Variants in MPG observed in about 807,000 individuals in gnomAD.
The protein encoded by MPG is N-methylpurine DNA glycosylase, also known as DNA-3-methyladenine glycosylase.
MPG carries 33 observed loss-of-function variants against 31.7 expected under a neutral mutation model. The observed-to-expected ratio is 1.04, with a 90% CI of 0.79 to 1.39. The LOEUF (loss-of-function observed/expected upper bound fraction) is 1.39, where lower values mean the gene tolerates loss of function less well. MPG is among the 40% of genes most tolerant of loss of function. MPG has a pLI of 0.00. For missense variants in MPG, 455 were observed against 415.5 expected (o/e 1.10, Z -0.83); for synonymous variants, 202 against 169.2 (o/e 1.19, Z -1.51).
At chr16:81,347 G>T (rs1222019085) in intron 2 of MPG, among the ~76,000 whole-genome samples, 1 of 152,168 alleles carries the variant, frequency 6.6e-6, no homozygotes, top group East Asian at 1.9e-4. Flanking sequence ...AAAGGGCTGT[G>T]GGAACCTCCT....
chr16:85,740 TG>T lies in MPG; in HGVS notation c.847del (p.Val283SerfsTer22). 6.6e-7 allele frequency: 1 copy of T among 1,515,974 alleles called. No individual in the cohort carries two copies. The highest frequency in any genetic ancestry group is 8.8e-7 in the Non-Finnish European group (1 of 1,131,092). The allele number at this position is 1,515,974 out of a possible 1,614,324, so 93.9% of individuals were successfully genotyped here. A position where few individuals can be genotyped will look rare whatever the true frequency, so the allele number is the denominator to read the frequency against. ...FYVRGSPWVS[V>X]VDRVAEQDTQ... ...GTCCGGGGCAGCCCCTGGGTCAGTGTGGTCGACAGAGTGGCTGAGCAGGACA... is the reference window on the plus strand; with the variant it reads ...GTCCGGGGCAGCCCCTGGGTCAGTGTGTCGACAGAGTGGCTGAGCAGGACA... On this transcript the variant is annotated frameshift_variant, in exon 4 of 4. Transcript: ENST00000356432. LOFTEE classifies it high-confidence loss of function.
At chr16:79,131 C>T in intron 1 of MPG, 1 of 1,489,030 alleles carries the variant, frequency 6.7e-7, no homozygotes, top group Non-Finnish European at 8.9e-7. Context: ...CCCCCATCTG[C>T]TCCCCAGGTC....
chr16:79,943 C>G, intron 2 of MPG: 1 of 582,786 alleles, frequency 1.7e-6, no homozygotes, highest in Non-Finnish European at 3.0e-6. Context: ...ACTGTCTGCC[C>G]CCGGCTCTGG....
intron 1 of MPG, 52 bp downstream of exon 1, chr16:78,385 G>T (rs1898149261): frequency 8.5e-7 from 1 of 1,180,188 alleles, no homozygotes; most frequent in African/African-American, 1.6e-5. Flanking sequence ...ACCCCCAGGC[G>T]CAGCAGCGAG....
intron 1 of MPG, 122 bp from the exon 2 acceptor site, chr16:79,303 C>G (rs1898174915): frequency 2.5e-6 from 4 of 1,598,360 alleles, no homozygotes; most frequent in Non-Finnish European, 3.4e-6. Flanking sequence ...ATGGTCACCC[C>G]CGCTTTGCAG....
At chr16:79,334 G>T in intron 1 of MPG, 91 bp from the exon 2 acceptor site, 2 of 1,613,212 alleles carry the variant, frequency 1.2e-6, no homozygotes, top group Non-Finnish European at 1.7e-6. Flanking sequence ...CAAAGCAGGT[G>T]GTCAGATCCA....
In MPG at chr16:85,411, T is replaced by C. The variant is rs770180276; in HGVS notation, c.516T>C (p.Ala172=). 1 of 1,606,712 alleles carries C rather than the reference T, an allele frequency of 6.2e-7. No individual in the cohort carries two copies. The highest frequency in any genetic ancestry group is 1.7e-5 in the Admixed American group (1 of 59,690). The change falls in exon 4 of 4, where the codon GCT becomes GCC. Residue 172 remains alanine (A), a synonymous_variant. Coordinates refer to ENST00000356432, the MANE Select transcript of MPG (RefSeq NM_001015052.3). ...CTGTCCGTCCCACAGGGGACGGGGC[T>C]TGCGTCTTGCTGCGAGCACTGGAGC... ...CMNISSQGDG[A]CVLLRALEPL... is the part of the protein sequence containing the mutation.
chr16:83,476 C>T (rs1898314360), intron 3 of MPG: 1 of 530,292 alleles, frequency 1.9e-6, no homozygotes, highest in South Asian at 2.4e-5. Flanking sequence ...CGCGGTGGCT[C>T]ACGCCTGTCA....
At chr16:78,014 G>A (rs1898134432), upstream of MPG, 1 of 268,702 alleles carries the variant, frequency 3.7e-6, no homozygotes. Context: ...ACAGTGCGGG[G>A]CTCGCCCCAC....
chr16:78,296 G>T lies in MPG; in HGVS notation c.-14G>T. 2.2e-6 allele frequency: 3 copies of T among 1,338,214 alleles called. No individual in the cohort carries two copies. Among genetic ancestry groups the T allele is most frequent in the Non-Finnish European group, 9.6e-7 (1 of 1,042,478 alleles). The allele number at this position is 1,338,214 out of a possible 1,614,324, so 82.9% of individuals were successfully genotyped here. ...GGGGTCCGAGTCCCACGAAGCCCCGGCCCGAGCCGCCGGATGCCCGCGCGC... is the reference window on the plus strand; with the variant it reads ...GGGGTCCGAGTCCCACGAAGCCCCGTCCCGAGCCGCCGGATGCCCGCGCGC... On this transcript the variant is annotated 5_prime_UTR_variant, in exon 1 of 4. Transcript: ENST00000356432.
intron 3 of MPG, among the ~76,000 whole-genome samples, chr16:83,932 G>A (rs1041285990): frequency 6.6e-6 from 1 of 152,108 alleles, no homozygotes; most frequent in Non-Finnish European, 1.5e-5. Flanking sequence ...GGGCACAGCA[G>A]GGGGACTTAG....
chr16:79,087 C>G, intron 1 of MPG: 1 of 1,443,348 alleles, frequency 6.9e-7, no homozygotes, highest in East Asian at 2.5e-5. Flanking sequence ...GAGTGGGAAT[C>G]GGAGGGCACC....
intron 3 of MPG, chr16:83,589 A>C (rs1898318642): frequency 4.4e-6 from 1 of 229,320 alleles, no homozygotes; most frequent in Non-Finnish European, 8.7e-6. Flanking sequence ...AAAAATACAA[A>C]AATTAGCTGG....
At chr16:78,023 A>C (rs529306055), upstream of MPG, 2 of 269,974 alleles carry the variant, frequency 7.4e-6, no homozygotes, top group African/African-American at 2.3e-5. Context: ...GGCTCGCCCC[A>C]CCCCCAGGTG....
rs746048605 is a variant in MPG at position 83,453 on chromosome 16, G to A, written c.505+197G>A. ...TTAGGTTAAAGGGGTAGAAAGGGCC[G>A]GGTGGGGCCGGGCGCGGTGGCTCAC... On this transcript the variant is annotated intron_variant, in intron 3 of 3. Transcript: ENST00000356432. 25 of 580,958 alleles carry A rather than the reference G, an allele frequency of 4.3e-5. 1 individual carries two copies. Among genetic ancestry groups the A allele is most frequent in the Middle Eastern group, 3.6e-4 (1 of 2,782 alleles). The allele number at this position is 580,958 out of a possible 1,614,324, so 36.0% of individuals were successfully genotyped here. A position where few individuals can be genotyped will look rare whatever the true frequency, so the allele number is the denominator to read the frequency against.
At chr16:81,366 T>C (rs1245400933) in intron 2 of MPG, among the ~76,000 whole-genome samples, 1 of 151,936 alleles carries the variant, frequency 6.6e-6, no homozygotes, top group African/African-American at 2.4e-5. Flanking sequence ...CTCTCCAGAG[T>C]GGTAGTTGGG....
intron 3 of MPG, 152 bp downstream of exon 3, chr16:83,408 C>T (rs767441520): frequency 1.5e-5 from 12 of 775,558 alleles, no homozygotes; most frequent in Admixed American, 5.1e-5. Context: ...GCTCTGGCTA[C>T]GCTGACGGGG....
rs974343795 is a variant in MPG, at chr16:82,386, G to A, written c.301-666G>A. On this transcript the variant is annotated intron_variant, in intron 2 of 3. Transcript: ENST00000356432. ...CAGCTGACCTATCTGGCCTAAAAAC[G>A]AGAGGTGCAGGGGATGTGGTTGGTC... Among the ~76,000 whole-genome samples, 16 of 152,310 alleles carry A rather than the reference G, an allele frequency of 1.1e-4. No individual in the cohort carries two copies. The East Asian group carries it at 1.2e-3, about 11-fold the overall frequency.
Position 79,984 on chromosome 16 carries a change from G to C in MPG, c.300+284G>C, listed in dbSNP as rs1898197879. Reference sequence around the variant, plus strand: ...TAGGGCAGGAGCACTTGCACCGTTAGCCTTCCTCACCGGCAATCCACCTCA... The same window carrying C: ...TAGGGCAGGAGCACTTGCACCGTTACCCTTCCTCACCGGCAATCCACCTCA... On this transcript the variant is annotated intron_variant, in intron 2 of 3. Coordinates refer to ENST00000356432, the MANE Select transcript of MPG (RefSeq NM_001015052.3). 12 of 530,732 alleles carry C rather than the reference G, an allele frequency of 2.3e-5. No individual in the cohort carries two copies. The Admixed American group carries it at 3.2e-4, about 14-fold the overall frequency. 32.9% of individuals were successfully genotyped at this position (530,732 alleles called of 1,614,324 possible). A position where few individuals can be genotyped will look rare whatever the true frequency, so the allele number is the denominator to read the frequency against.
Sources: allele counts gnomAD v4.1 joint callset (sites outside exome capture counted in the v4.1 genomes callset), GRCh38; gene constraint gnomAD v4.1.1; transcripts MANE v1.5; gene names NCBI Gene and HGNC (gene_info 2026-07-23, HGNC 2026-07-21).